MTNR1B: variants seen among roughly 807,000 people sequenced by gnomAD.
MTNR1B encodes melatonin receptor 1B.
In MTNR1B, 7 loss-of-function variants were observed where a neutral mutation model predicts 7.0. That is an observed-to-expected ratio of 1.00 (90% CI 0.57 to 1.88). The LOEUF (loss-of-function observed/expected upper bound fraction) is 1.88, where lower values mean the gene tolerates loss of function less well. Ranked by LOEUF, MTNR1B falls within the 40% of genes most tolerant of loss-of-function variation. MTNR1B has a pLI of 0.00. For missense variants in MTNR1B, 478 were observed against 486.5 expected, an observed-to-expected ratio of 0.98 and a Z score of 0.16; for synonymous variants, 226 against 208.2, an observed-to-expected ratio of 1.09 and a Z score of -0.74.
chr11:92,972,141 C>T (rs12804291), intron 1 of MTNR1B, among the ~76,000 whole-genome samples: 21,012 of 152,188 alleles, frequency 0.14, 2,076 homozygotes, highest in African/African-American at 0.27. Context: ...ACACATTCTA[C>T]TCTTAATCAG....
chr11:92,969,718 A>G lies in MTNR1B; in HGVS notation c.-8A>G. The G allele has an allele frequency of 6.8e-7, 1 of 1,468,962 alleles. No individual in the cohort carries two copies. Among genetic ancestry groups the G allele is most frequent in the Non-Finnish European group, 9.0e-7 (1 of 1,110,398 alleles). 91.0% of individuals were successfully genotyped at this position (1,468,962 alleles called of 1,614,324 possible). ...CGGTGGCCAAAGCACAGCGCGGGAG[A>G]GTCTGCGATGTCAGAGAACGGCTCC... is the stretch of plus-strand genomic sequence containing the variant. On this transcript the variant is annotated 5_prime_UTR_variant, in exon 1 of 2. Coordinates refer to ENST00000257068, the MANE Select transcript of MTNR1B (RefSeq NM_005959.5).
At chr11:92,971,172 G>A (rs1325680363) in intron 1 of MTNR1B, among the ~76,000 whole-genome samples, 2 of 151,980 alleles carry the variant, frequency 1.3e-5, no homozygotes, top group Non-Finnish European at 2.9e-5. Context: ...TGTTGGCCAG[G>A]CTGGTCTCGA....
downstream of MTNR1B, among the ~76,000 whole-genome samples, chr11:92,984,325 T>C (rs895556606): frequency 6.6e-6 from 1 of 152,146 alleles, no homozygotes; most frequent in Non-Finnish European, 1.5e-5. Context: ...GGAATCTGAT[T>C]CCAATACTTG....
Position 92,980,475 on chromosome 11 carries a change from C to T in MTNR1B, c.224-972C>T, listed in dbSNP as rs376776924. On this transcript the variant is annotated intron_variant, in intron 1 of 1. Coordinates refer to ENST00000257068, the MANE Select transcript of MTNR1B (RefSeq NM_005959.5). ...TCGTGAGTCAGTGTTGGTTTTAGAA[C>T]GCAAACACTTGAGGAGCAGAGATTG... Among the ~76,000 whole-genome samples, 11 of 152,284 alleles carry T rather than the reference C, an allele frequency of 7.2e-5. No homozygotes were observed. The South Asian group carries it at 8.3e-4, about 12-fold the overall frequency.
Position 92,982,539 on chromosome 11 carries a change from G to A in MTNR1B, c.*227G>A, listed in dbSNP as rs1280401757. ...CAGGACCTGGAAAACACTCTTGGTG[G>A]TGTCTTGGGGATTTGGTGCACACAA... On this transcript the variant is annotated 3_prime_UTR_variant, in exon 2 of 2. Coordinates refer to ENST00000257068, the MANE Select transcript of MTNR1B (RefSeq NM_005959.5). 2 of 573,298 alleles carry A rather than the reference G, an allele frequency of 3.5e-6. No individual in the cohort carries two copies. The highest frequency in any genetic ancestry group is 6.1e-6 in the Non-Finnish European group (2 of 327,302). The allele number at this position is 573,298 out of a possible 1,614,324, so 35.5% of individuals were successfully genotyped here. A position where few individuals can be genotyped will look rare whatever the true frequency, so the allele number is the denominator to read the frequency against.
intron 1 of MTNR1B, among the ~76,000 whole-genome samples, chr11:92,978,151 AG>A (rs1391977400): frequency 6.6e-6 from 1 of 152,130 alleles, no homozygotes; most frequent in South Asian, 2.1e-4. Flanking sequence ...AGCACAGAGG[AG>A]GGGGGCAAGG....
intron 1 of MTNR1B, 40 bp downstream of exon 1, chr11:92,969,988 C>T (rs762324922): frequency 1.4e-5 from 21 of 1,534,178 alleles, no homozygotes; most frequent in South Asian, 3.7e-5. Flanking sequence ...GCATCGGGCC[C>T]TTCCTTGTCT....
Position 92,982,024 on chromosome 11 carries a change from T to G in MTNR1B, c.801T>G (p.Leu267=). 1.2e-6 allele frequency: 2 copies of G among 1,614,204 alleles called. No homozygotes were observed. The highest frequency in any genetic ancestry group is 1.7e-6 in the Non-Finnish European group (2 of 1,180,044). The change falls in exon 2 of 2, where the codon CTT becomes CTG. Residue 267 remains leucine (L), a synonymous_variant. Coordinates refer to ENST00000257068, the MANE Select transcript of MTNR1B (RefSeq NM_005959.5). ...FVIFAICWAP[L]NCIGLAVAIN... ...TCTTTGCCATCTGCTGGGCTCCACT[T>G]AACTGCATCGGCCTCGCTGTGGCCA...
intron 1 of MTNR1B, among the ~76,000 whole-genome samples, chr11:92,975,421 C>T (rs2136512275): frequency 6.6e-6 from 1 of 152,224 alleles, no homozygotes; most frequent in South Asian, 2.1e-4. Context: ...GTTAAGATTG[C>T]CTAGGAAAAC....
rs571788240 is a variant in MTNR1B, at chr11:92,977,853, C to A, written c.224-3594C>A. ...AAGAGTGGAAGAAGACCTCAAGGCA[C>A]AGAAAGTTTAACACTGTTAGAAAAC... On this transcript the variant is annotated intron_variant, in intron 1 of 1. Transcript: ENST00000257068. Among the ~76,000 whole-genome samples the A allele has an allele frequency of 1.4e-3, 217 of 152,300 alleles. 1 individual carries two copies. The highest frequency in any genetic ancestry group is 5.0e-3 in the African/African-American group (208 of 41,568).
chr11:92,980,825 AG>A (rs1858091725), intron 1 of MTNR1B, among the ~76,000 whole-genome samples: 1 of 152,232 alleles, frequency 6.6e-6, no homozygotes, highest in South Asian at 2.1e-4. Context: ...GGACCCAGAC[AG>A]GGCACAAATG....
intron 1 of MTNR1B, among the ~76,000 whole-genome samples, chr11:92,975,759 A>G (rs569653465): frequency 6.6e-6 from 1 of 152,334 alleles, no homozygotes; most frequent in Non-Finnish European, 1.5e-5. Flanking sequence ...TGAAATGCTT[A>G]ATAGGCCCAC....
At position 92,969,835 on chromosome 11, in the gene MTNR1B, C is replaced by A; in HGVS notation, c.110C>A (p.Pro37His). 6.2e-7 allele frequency: 1 copy of A among 1,606,758 alleles called. No homozygotes were observed. Among genetic ancestry groups the A allele is most frequent in the South Asian group, 1.1e-5 (1 of 89,318 alleles). Residue 37 changes from proline to histidine, a missense_variant, in exon 1 of 2, where the codon CCC (proline) becomes CAC (histidine). Physicochemically the swap from Pro to His is moderately conservative, Grantham distance 77. Transcript: ENST00000257068. ...CGGCCCTCCAGGACCCCTCGACCTC[C>A]CTGGGTGGCTCCAGCGCTGTCCGCG... ...SARPSRTPRP[P>H]WVAPALSAVL...
chr11:92,971,826 G>A (rs541918564), intron 1 of MTNR1B, among the ~76,000 whole-genome samples: 1 of 152,272 alleles, frequency 6.6e-6, no homozygotes, highest in South Asian at 2.1e-4. Context: ...ACCAGTTTAA[G>A]AGCATCACTG....
At chr11:92,984,382 G>C (rs1858165381), downstream of MTNR1B, among the ~76,000 whole-genome samples, 1 of 152,170 alleles carries the variant, frequency 6.6e-6, no homozygotes, top group South Asian at 2.1e-4. Context: ...TAGTCCTGAT[G>C]ATGGCAATGG....
In MTNR1B at chr11:92,981,342, G is replaced by A. The variant is rs529141393; in HGVS notation, c.224-105G>A. ...AGTTCTGTGCCTCTAAGAGCCACTT[G>A]GTTTCCACTCACATTGCCAAAAGTA... On this transcript the variant is annotated intron_variant, in intron 1 of 1. Coordinates refer to ENST00000257068, the MANE Select transcript of MTNR1B (RefSeq NM_005959.5). 1.2e-5 allele frequency: 17 copies of A among 1,467,004 alleles called. No homozygotes were observed. The Admixed American group carries it at 3.6e-4, about 31-fold the overall frequency. 90.9% of individuals were successfully genotyped at this position (1,467,004 alleles called of 1,614,324 possible).
downstream of MTNR1B, among the ~76,000 whole-genome samples, chr11:92,984,633 T>C (rs1858170127): frequency 6.6e-6 from 1 of 152,204 alleles, no homozygotes; most frequent in South Asian, 2.1e-4. Flanking sequence ...CAACAGCATG[T>C]CCACACTTCC....
At chr11:92,969,971 G>A in intron 1 of MTNR1B, 23 bp downstream of exon 1, 1 of 1,587,226 alleles carries the variant, frequency 6.3e-7, no homozygotes, top group Non-Finnish European at 8.6e-7. Flanking sequence ...CCTGATGCTG[G>A]GTGCTGGCAT....
chr11:92,972,447 C>CA, intron 1 of MTNR1B: 1 of 424,300 alleles, frequency 2.4e-6, no homozygotes. Flanking sequence ...GATTAATTGT[C>CA]TTTTTTTTTT....
Sources: allele counts gnomAD v4.1 joint callset (sites outside exome capture counted in the v4.1 genomes callset), GRCh38; gene constraint gnomAD v4.1.1; transcripts MANE v1.5; gene names NCBI Gene and HGNC (gene_info 2026-07-23, HGNC 2026-07-21).